The following NRXN1 variants were observed in gnomAD, a reference collection of about 807,000 sequenced individuals.
NRXN1 encodes neurexin 1, also known as neurexin-1.
Under a neutral mutation model 150.9 loss-of-function variants are expected in NRXN1, and 39 were observed. The ratio of observed to expected loss-of-function variants is 0.26; its 90% CI spans 0.20 to 0.34. The LOEUF is 0.34. NRXN1 is among the 10% of genes least tolerant of loss of function. The pLI is 1.00. For missense variants in NRXN1, 1,815 were observed against 1,949.9 expected, an observed-to-expected ratio of 0.93 and a Z score of 1.30; for synonymous variants, 924 against 757.0, an observed-to-expected ratio of 1.22 and a Z score of -3.62.
chr2:50,742,467 G>A (rs1361010147), intron 5 of NRXN1, among the ~76,000 whole-genome samples: 1 of 151,784 alleles, frequency 6.6e-6, no homozygotes, highest in African/African-American at 2.4e-5. Context: ...AATTAGCGGG[G>A]CATGGTGGCG....
chr2:50,346,870 G>C lies in NRXN1; in HGVS notation c.3365-109900C>G. Reference sequence around the variant, plus strand: ...CCAAAGCAGGGCCAGGCGCCCCCCTGCGCCGCCGCCGCCGCCGCCGCCGCC... The same window carrying C: ...CCAAAGCAGGGCCAGGCGCCCCCCTCCGCCGCCGCCGCCGCCGCCGCCGCC... On this transcript the variant is annotated intron_variant, in intron 17 of 22. Transcript: ENST00000401669. The surrounding 1 kb of genome is among the most constrained non-coding windows in gnomAD (Gnocchi z 5.0). 7.3e-7 allele frequency: 1 copy of C among 1,366,780 alleles called. No homozygotes were observed. Among genetic ancestry groups the C allele is most frequent in the Non-Finnish European group, 9.5e-7 (1 of 1,058,164 alleles). The allele number at this position is 1,366,780 out of a possible 1,614,324, so 84.7% of individuals were successfully genotyped here.
chr2:50,744,401 T>C (rs1699777067), intron 5 of NRXN1, among the ~76,000 whole-genome samples: 1 of 152,090 alleles, frequency 6.6e-6, no homozygotes, highest in African/African-American at 2.4e-5. Flanking sequence ...AAATATTTTC[T>C]CTCTAATGAT....
At chr2:50,369,694 T>C (rs2153018285) in intron 17 of NRXN1, among the ~76,000 whole-genome samples, 1 of 152,122 alleles carries the variant, frequency 6.6e-6, no homozygotes, top group South Asian at 2.1e-4. Context: ...CGGGCATCTT[T>C]ATAGTAAGTG....
intron 17 of NRXN1, among the ~76,000 whole-genome samples, chr2:50,271,438 G>C (rs150646606): frequency 1.2e-4 from 18 of 152,242 alleles, no homozygotes; most frequent in African/African-American, 3.6e-4. Context: ...TTTTAAATTG[G>C]TGCAGTGCAA....
chr2:50,492,708 A>C (rs1573231149), intron 15 of NRXN1, among the ~76,000 whole-genome samples: 1 of 152,330 alleles, frequency 6.6e-6, no homozygotes, highest in East Asian at 1.9e-4. Context: ...GGAGGATAAA[A>C]AAAATTCTCC....
Position 50,816,866 on chromosome 2 carries a change from T to C in NRXN1, c.832+105003A>G, listed in dbSNP as rs190970448. Among the ~76,000 whole-genome samples the C allele has an allele frequency of 2.6e-5, 4 of 152,250 alleles. No individual in the cohort carries two copies. In the East Asian group the frequency reaches 7.7e-4, roughly 29 times the overall value. Reference sequence around the variant, plus strand: ...TCCTTTCCTCCAAGATATTAAAACATAGACTAACCAGGAATGATTTATGTA... The same window carrying C: ...TCCTTTCCTCCAAGATATTAAAACACAGACTAACCAGGAATGATTTATGTA... On this transcript the variant is annotated intron_variant, in intron 5 of 22. Transcript: ENST00000401669.
chr2:50,789,717 AT>A lies in NRXN1; in HGVS notation c.832+132151del, dbSNP rs951039837. 1.5e-4 allele frequency among the ~76,000 whole-genome samples: 22 copies of A among 151,526 alleles called. No individual in the cohort carries two copies. The East Asian group carries it at 2.1e-3, about 15-fold the overall frequency. ...GACAATTTAGACAAGGGGCATAACTATTTTTTTTTAAAGGTGGGGGATATGC... is the reference window on the plus strand; with the variant it reads ...GACAATTTAGACAAGGGGCATAACTATTTTTTTTAAAGGTGGGGGATATGC... On this transcript the variant is annotated intron_variant, in intron 5 of 22. Transcript: ENST00000401669.
At chr2:50,126,889 T>TA (rs2152742894) in intron 18 of NRXN1, among the ~76,000 whole-genome samples, 1 of 152,230 alleles carries the variant, frequency 6.6e-6, no homozygotes, top group South Asian at 2.1e-4. Flanking sequence ...TTATATTTAA[T>TA]AAATCCTGAG....
rs201964958 is a variant in NRXN1, at chr2:51,028,075, C to G, written c.199G>C (p.Val67Leu). 1.4e-5 allele frequency: 23 copies of G among 1,593,152 alleles called. No homozygotes were observed. The highest frequency in any genetic ancestry group is 2.0e-5 in the Non-Finnish European group (23 of 1,173,470). The change falls in exon 2 of 23, where the codon GTG becomes CTG. Residue 67 changes from valine to leucine, a missense_variant. Transcript: ENST00000401669. Reference protein sequence around the residue: ...QLKTRSARGLVLYFDDEGFCD... With the variant: ...QLKTRSARGLLLYFDDEGFCD... ...AAGCCCTCGTCGTCGAAGTAGAGCA[C>G]GAGGCCGCGGGCGCTGCGAGTCTTG... is the stretch of plus-strand genomic sequence containing the variant.
intron 8 of NRXN1, among the ~76,000 whole-genome samples, chr2:50,566,155 C>G (rs1669810239): frequency 6.6e-6 from 1 of 152,196 alleles, no homozygotes; most frequent in African/African-American, 2.4e-5. Context: ...GTATGTTGAA[C>G]AAGTCCCCAG....
rs200440470 is a variant in NRXN1 at position 50,276,404 on chromosome 2, GA to G, written c.3365-39435del. On this transcript the variant is annotated intron_variant, in intron 17 of 22. Transcript: ENST00000401669. ...TAAAAGGTAGAGTTTCTGCAAAAATGAAAATACCTCAAACAATTAAGTTTGT... is the reference window on the plus strand; with the variant it reads ...TAAAAGGTAGAGTTTCTGCAAAAATGAAATACCTCAAACAATTAAGTTTGT... Among the ~76,000 whole-genome samples, 704 of 152,218 alleles carry G rather than the reference GA, an allele frequency of 4.6e-3. 9 individuals carry two copies. The highest frequency in any genetic ancestry group is 0.016 in the African/African-American group (651 of 41,552).
At chr2:50,470,295 A>G (rs2089334040) in intron 16 of NRXN1, among the ~76,000 whole-genome samples, 2 of 151,866 alleles carry the variant, frequency 1.3e-5, no homozygotes, top group South Asian at 2.1e-4. Flanking sequence ...CCCCTTAACA[A>G]TTTTGTCTCT....
chr2:50,999,553 C>G (rs62143013), intron 2 of NRXN1, among the ~76,000 whole-genome samples: 31 of 152,112 alleles, frequency 2.0e-4, no homozygotes, highest in Admixed American at 9.8e-4. Flanking sequence ...CCCCCAGGCA[C>G]CCAGCTTTAA....
chr2:50,325,153 A>G (rs2076302224), intron 17 of NRXN1, among the ~76,000 whole-genome samples: 1 of 152,228 alleles, frequency 6.6e-6, no homozygotes, highest in Admixed American at 6.5e-5. Context: ...AAACTGAGAA[A>G]GAAGAAGAGG....
chr2:50,444,882 TG>T (rs922020135), intron 17 of NRXN1, among the ~76,000 whole-genome samples: 2 of 152,184 alleles, frequency 1.3e-5, no homozygotes, highest in South Asian at 2.1e-4. Flanking sequence ...TTATTCAGAT[TG>T]TTTTTTTCAA....
At chr2:50,553,428 C>T (rs1053383706) in intron 8 of NRXN1, among the ~76,000 whole-genome samples, 1 of 152,144 alleles carries the variant, frequency 6.6e-6, no homozygotes, top group Non-Finnish European at 1.5e-5. Context: ...TGAGGTTATT[C>T]AGTTTTCCCA....
chr2:50,096,307 G>A (rs1264752312), intron 18 of NRXN1, among the ~76,000 whole-genome samples: 1 of 152,008 alleles, frequency 6.6e-6, no homozygotes, highest in Non-Finnish European at 1.5e-5. Context: ...ATATTTATAA[G>A]ACCGGTATTT....
intron 5 of NRXN1, among the ~76,000 whole-genome samples, chr2:50,860,385 T>C (rs1023833517): frequency 1.3e-5 from 2 of 152,042 alleles, no homozygotes; most frequent in Non-Finnish European, 2.9e-5. Context: ...AGAGATTATA[T>C]ATGATTTTAG....
At chr2:50,279,905 C>G (rs542220988) in intron 17 of NRXN1, among the ~76,000 whole-genome samples, 3 of 152,282 alleles carry the variant, frequency 2.0e-5, no homozygotes, top group Admixed American at 6.5e-5. Context: ...AAGCCACTTA[C>G]TTGAATTTTA....
Sources: allele counts gnomAD v4.1 joint callset (sites outside exome capture counted in the v4.1 genomes callset), GRCh38; gene constraint gnomAD v4.1.1; non-coding constraint Gnocchi (gnomAD v3.1); transcripts MANE v1.5; gene names NCBI Gene and HGNC (gene_info 2026-07-23, HGNC 2026-07-21).